The following CAPN2 variants were observed in gnomAD, a reference collection of about 807,000 sequenced individuals.
CAPN2 encodes calpain 2.
CAPN2 carries 92 observed loss-of-function variants against 102.3 expected under a neutral mutation model. That is an observed-to-expected ratio of 0.90 (90% CI 0.76 to 1.07). The LOEUF is 1.07. Ranked by LOEUF, CAPN2 falls within the 50% of genes least tolerant of loss-of-function variation. The pLI is 0.00. For synonymous variants in CAPN2, 340 were observed against 355.4 expected, an observed-to-expected ratio of 0.96 and a Z score of 0.49; for missense variants, 800 against 909.4, an observed-to-expected ratio of 0.88 and a Z score of 1.55.
rs200264262 is a variant in CAPN2, at chr1:223,730,028, A to C, written c.307+12197A>C. Among the ~76,000 whole-genome samples the C allele has an allele frequency of 4.0e-5, 6 of 151,424 alleles. No homozygotes were observed. The East Asian group carries it at 1.2e-3, about 29-fold the overall frequency. Reference sequence around the variant, plus strand: ...AAAAAACCAAAAAAAAAAAAAAAAAAAAAAAAACGAAAACCTGAAATCAGT... The same window carrying C: ...AAAAAACCAAAAAAAAAAAAAAAAACAAAAAAACGAAAACCTGAAATCAGT... On this transcript the variant is annotated intron_variant, in intron 2 of 20. Transcript: ENST00000295006.
At chr1:223,737,003 C>G (rs1660471498) in intron 2 of CAPN2, among the ~76,000 whole-genome samples, 1 of 152,064 alleles carries the variant, frequency 6.6e-6, no homozygotes. Flanking sequence ...TGCACCACTG[C>G]ACTCTAGCCT....
At chr1:223,771,692 G>T in intron 18 of CAPN2, 117 bp from the exon 19 acceptor site, 1 of 727,820 alleles carries the variant, frequency 1.4e-6, no homozygotes. Flanking sequence ...GAGCAGCCAA[G>T]GGACAAAAGC....
intron 1 of CAPN2, among the ~76,000 whole-genome samples, chr1:223,716,532 G>T (rs1225459518): frequency 6.6e-6 from 1 of 152,028 alleles, no homozygotes; most frequent in Non-Finnish European, 1.5e-5. Context: ...GCGGCAGATG[G>T]TGCTTCCGGA....
Position 223,775,505 on chromosome 1 carries a change from CG to C in CAPN2, c.*650del, listed in dbSNP as rs3835626. 0.053 allele frequency: 8,014 copies of C among 152,466 alleles called. 264 individuals carry two copies. The highest frequency in any genetic ancestry group is 0.092 in the Admixed American group (1,408 of 15,290). 9.4% of individuals were successfully genotyped at this position (152,466 alleles called of 1,614,324 possible). A position where few individuals can be genotyped will look rare whatever the true frequency, so the allele number is the denominator to read the frequency against. On this transcript the variant is annotated 3_prime_UTR_variant, in exon 21 of 21. Coordinates refer to ENST00000295006, the MANE Select transcript of CAPN2 (RefSeq NM_001748.5). Reference sequence around the variant, plus strand: ...TTACAATCAAGTTCTTGACCCTATTCGGCCTTATACATCTGGTCTTACAAAG... The same window carrying C: ...TTACAATCAAGTTCTTGACCCTATTCGCCTTATACATCTGGTCTTACAAAG...
At chr1:223,704,387 C>T (rs915497385) in intron 1 of CAPN2, among the ~76,000 whole-genome samples, 34 of 152,170 alleles carry the variant, frequency 2.2e-4, no homozygotes, top group African/African-American at 8.0e-4. Flanking sequence ...ACGCCTCAGT[C>T]GCCTAGGGCC....
chr1:223,750,681 C>T (rs1364364075), intron 6 of CAPN2, among the ~76,000 whole-genome samples: 1 of 152,216 alleles, frequency 6.6e-6, no homozygotes, highest in African/African-American at 2.4e-5. Flanking sequence ...ATCTCATTTT[C>T]CAAAGCTAGG....
chr1:223,757,447 C>T (rs1172484769), intron 11 of CAPN2, 67 bp downstream of exon 11: 2 of 1,582,134 alleles, frequency 1.3e-6, no homozygotes, highest in Non-Finnish European at 1.7e-6. Context: ...ACTGCTGGAG[C>T]TCAGGGAGCG....
At chr1:223,739,546 C>T (rs1469186789) in intron 2 of CAPN2, among the ~76,000 whole-genome samples, 3 of 152,222 alleles carry the variant, frequency 2.0e-5, no homozygotes, top group East Asian at 1.9e-4. Context: ...ACATTCCCCC[C>T]GGAGAGGAAG....
chr1:223,770,790 C>T (rs1440780909), intron 18 of CAPN2: 10 of 296,202 alleles, frequency 3.4e-5, no homozygotes, highest in Non-Finnish European at 6.3e-5. Context: ...AGCCAGGTCT[C>T]AACAGCCTCC....
upstream of CAPN2, chr1:223,712,440 C>G: frequency 4.5e-6 from 5 of 1,112,910 alleles, no homozygotes; most frequent in Non-Finnish European, 5.5e-6. Flanking sequence ...GGCCTGGTCC[C>G]GGGCCGGGAG....
chr1:223,745,193 G>A lies in CAPN2; in HGVS notation c.427-113G>A, dbSNP rs534758106. 154 of 1,408,940 alleles carry A rather than the reference G, an allele frequency of 1.1e-4. No homozygotes were observed. In the African/African-American group the frequency reaches 1.9e-3, roughly 17 times the overall value. The allele number at this position is 1,408,940 out of a possible 1,614,324, so 87.3% of individuals were successfully genotyped here. ...AAGGGAGCACCTCCTCCCAGGATGC[G>A]CTCATGGAACCTATCCCAGGGGATC... On this transcript the variant is annotated intron_variant, in intron 3 of 20. Coordinates refer to ENST00000295006, the MANE Select transcript of CAPN2 (RefSeq NM_001748.5).
chr1:223,758,286 T>G (rs920465093), intron 11 of CAPN2: 23 of 152,256 alleles, frequency 1.5e-4, no homozygotes, highest in African/African-American at 5.1e-4. Flanking sequence ...ATGGGATGCC[T>G]GGTCCAAGGT....
chr1:223,771,415 G>C (rs965457427), intron 18 of CAPN2: 1 of 165,808 alleles, frequency 6.0e-6, no homozygotes, highest in African/African-American at 2.4e-5. Flanking sequence ...TGGAAGGAGA[G>C]AGAACTACTA....
chr1:223,759,405 G>A lies in CAPN2; in HGVS notation c.1453G>A (p.Val485Met), dbSNP rs755171997. The A allele has an allele frequency of 5.6e-6, 9 of 1,614,032 alleles. No individual in the cohort carries two copies. The highest frequency in any genetic ancestry group is 1.1e-5 in the South Asian group (1 of 91,088). ...GCTGCCGCCAGGAGAGTACATTCTC[G>A]TGCCTTCCACCTTCGAACCCAACAA... ...FKLPPGEYIL[V>M]PSTFEPNKDG... The change falls in exon 12 of 21, where the codon GTG becomes ATG. Residue 485 changes from valine to methionine, a missense_variant. By Grantham distance (21) the Val-to-Met change is conservative (BLOSUM62 1). Coordinates refer to ENST00000295006, the MANE Select transcript of CAPN2 (RefSeq NM_001748.5). This position sits in a 1 kb window ranked among gnomAD's most constrained non-coding sequence, Gnocchi z 4.6.
At chr1:223,747,385 G>A (rs920434100) in intron 5 of CAPN2, among the ~76,000 whole-genome samples, 1 of 152,176 alleles carries the variant, frequency 6.6e-6, no homozygotes, top group African/African-American at 2.4e-5. Context: ...ATGTATGAAT[G>A]TGGACAGGGG....
chr1:223,712,403 T>G (rs2102770315), upstream of CAPN2: 1 of 1,046,402 alleles, frequency 9.6e-7, no homozygotes, highest in Non-Finnish European at 1.2e-6. Context: ...GGTCGCGGCG[T>G]TCCCGGCGCT....
At chr1:223,753,479 C>T (rs1011060386) in intron 9 of CAPN2, among the ~76,000 whole-genome samples, 9 of 152,258 alleles carry the variant, frequency 5.9e-5, no homozygotes, top group African/African-American at 2.2e-4. Context: ...TCCTCTGGTC[C>T]AGCCTTTGTT....
chr1:223,751,241 T>A (rs6688042), intron 7 of CAPN2, among the ~76,000 whole-genome samples: 11,084 of 152,090 alleles, frequency 0.073, 956 homozygotes, highest in African/African-American at 0.19. Flanking sequence ...GTTCACCCCT[T>A]CCCTAGCTCA....
rs3820477 is a variant in CAPN2 at position 223,759,900 on chromosome 1, C to G, written c.1529+419C>G. 0.14 allele frequency among the ~76,000 whole-genome samples: 20,879 copies of G among 151,672 alleles called. 1,448 individuals are homozygous for G. Among genetic ancestry groups the G allele is most frequent in the African/African-American group, 0.27 (11,031 of 41,198 alleles). On this transcript the variant is annotated intron_variant, in intron 12 of 20. Coordinates refer to ENST00000295006, the MANE Select transcript of CAPN2 (RefSeq NM_001748.5). The surrounding 1 kb of genome is among the most constrained non-coding windows in gnomAD (Gnocchi z 4.6). ...CAAGGGTGTAAGGTGGGAACCATCTCAACGGTTCCCACCTCCAGAACCTCT... is the reference window on the plus strand; with the variant it reads ...CAAGGGTGTAAGGTGGGAACCATCTGAACGGTTCCCACCTCCAGAACCTCT...
Sources: gnomAD v4.1 joint callset for allele counts (sites outside exome capture counted in the v4.1 genomes callset) on GRCh38, gnomAD v4.1.1 for gene constraint, Gnocchi (gnomAD v3.1) non-coding constraint, MANE v1.5 for transcripts, NCBI Gene and HGNC (gene_info 2026-07-23, HGNC 2026-07-21) for gene names.